The following MID1 variants were observed in gnomAD, a reference collection of about 807,000 sequenced individuals.
The protein encoded by MID1 is midline 1, also known as E3 ubiquitin-protein ligase Midline-1.
In MID1, 7 loss-of-function variants were observed where a neutral mutation model predicts 40.4. That is an observed-to-expected ratio of 0.17 (90% CI 0.10 to 0.33). The LOEUF is 0.33. MID1 is among the 10% of genes least tolerant of loss of function. MID1 has a pLI of 1.00. For synonymous variants in MID1, 229 were observed against 221.2 expected (o/e 1.04, Z -0.31); for missense variants, 367 against 558.5 (o/e 0.66, Z 3.46).
At chrX:10,699,434 A>G (rs1197055080) in intron 1 of MID1, among the ~76,000 whole-genome samples, 1 of 112,288 alleles carries the variant, frequency 8.9e-6, no homozygotes, top group Admixed American at 9.5e-5. Flanking sequence ...CTTATTTTCT[A>G]TAAGGAGTTG....
intron 1 of MID1, among the ~76,000 whole-genome samples, chrX:10,809,164 G>C (rs1396071314): frequency 8.9e-6 from 1 of 111,772 alleles, no homozygotes; most frequent in Non-Finnish European, 1.9e-5. Flanking sequence ...GCAGCCAAAA[G>C]ACACATGAAA....
intron 3 of MID1, among the ~76,000 whole-genome samples, chrX:10,513,899 G>A (rs997226228): frequency 8.0e-5 from 9 of 111,920 alleles, no homozygotes; most frequent in Non-Finnish European, 1.3e-4. Context: ...AGTCAATCAC[G>A]CAAGTAAATA....
At chrX:10,543,670 C>T (rs1043325763) in intron 2 of MID1, among the ~76,000 whole-genome samples, 1 of 109,592 alleles carries the variant, frequency 9.1e-6, no homozygotes, top group African/African-American at 3.3e-5. Context: ...TGGTGAAACG[C>T]GGTCTCTACT....
rs772716754 is a variant in MID1 at position 10,808,476 on chromosome X, G to T, written c.-187+25078C>A. On this transcript the variant is annotated intron_variant, in intron 1 of 10. Coordinates refer to the MID1 transcript ENST00000380785. ...CTTCATTATGGCACTCCTTTCTATGGCAACCCCTCTCTATGGAGCTTCTCT... is the reference window on the plus strand; with the variant it reads ...CTTCATTATGGCACTCCTTTCTATGTCAACCCCTCTCTATGGAGCTTCTCT... Among the ~76,000 whole-genome samples the T allele has an allele frequency of 1.6e-3, 177 of 109,901 alleles. 1 individual carries two copies. The highest frequency in any genetic ancestry group is 4.3e-3 in the Middle Eastern group (1 of 234).
chrX:10,680,905 C>T (rs1336358305), intron 1 of MID1, among the ~76,000 whole-genome samples: 5 of 108,345 alleles, frequency 4.6e-5, no homozygotes, highest in African/African-American at 6.7e-5. Context: ...GGTGTGGTGG[C>T]GCGGCCTGTA....
chrX:10,490,315 TTTC>T (rs778718501), intron 4 of MID1, among the ~76,000 whole-genome samples: 39 of 112,461 alleles, frequency 3.5e-4, no homozygotes, highest in African/African-American at 1.2e-3. Flanking sequence ...TTAAATGGAA[TTTC>T]TTTTTTTAAA....
At chrX:10,508,334 G>A (rs765136804) in intron 3 of MID1, among the ~76,000 whole-genome samples, 1 of 112,485 alleles carries the variant, frequency 8.9e-6, no homozygotes. Context: ...AATATGAAAT[G>A]CATACATTAA....
At chrX:10,648,881 G>A (rs1238373920) in intron 1 of MID1, among the ~76,000 whole-genome samples, 3 of 111,090 alleles carry the variant, frequency 2.7e-5, no homozygotes, top group Non-Finnish European at 3.8e-5. Context: ...TTACTATTAC[G>A]TTTGAATATG....
chrX:10,758,704 G>A (rs1358262539), intron 1 of MID1, among the ~76,000 whole-genome samples: 1 of 108,216 alleles, frequency 9.2e-6, no homozygotes, highest in African/African-American at 3.4e-5. Flanking sequence ...GTAGAGAGAT[G>A]GTCTCGATCT....
chrX:10,549,831 G>A, intron 2 of MID1, among the ~76,000 whole-genome samples: 1 of 112,524 alleles, frequency 8.9e-6, no homozygotes, highest in South Asian at 3.7e-4. Flanking sequence ...ATGCGTGATG[G>A]CCCTTCGAGC....
At position 10,814,750 on chromosome X, in the gene MID1, T is replaced by A. The variant is rs1047436888; in HGVS notation, c.-187+18804A>T. ...TGGCAACTACTAATCTGTTCTTTAT[T>A]TCTAAAATTTGGTCATTTCAAGAAT... On this transcript the variant is annotated intron_variant, in intron 1 of 10. Coordinates refer to the MID1 transcript ENST00000380785. 2.7e-5 allele frequency among the ~76,000 whole-genome samples: 3 copies of A among 111,836 alleles called. No homozygotes were observed. In the Admixed American group the frequency reaches 2.9e-4, roughly 11 times the overall value.
At chrX:10,792,317 A>C (rs1373995778) in intron 1 of MID1, among the ~76,000 whole-genome samples, 5 of 112,019 alleles carry the variant, frequency 4.5e-5, no homozygotes, top group African/African-American at 1.6e-4. Context: ...AAATGAACTA[A>C]GAACAAGGGA....
At chrX:10,728,287 T>C (rs5934928) in intron 1 of MID1, among the ~76,000 whole-genome samples, 42,488 of 110,423 alleles carry the variant, frequency 0.38, 7,543 homozygotes, top group Non-Finnish European at 0.55. Context: ...GGCCAGCTGC[T>C]GAGCTGTGAC....
intron 1 of MID1, among the ~76,000 whole-genome samples, chrX:10,626,231 TCA>T (rs747093266): frequency 2.7e-5 from 3 of 110,379 alleles, no homozygotes; most frequent in African/African-American, 9.9e-5. Context: ...CAACAGAACC[TCA>T]GTTTACTTGG....
intron 2 of MID1, among the ~76,000 whole-genome samples, chrX:10,530,892 A>T (rs1343728530): frequency 8.9e-6 from 1 of 112,419 alleles, no homozygotes; most frequent in East Asian, 2.8e-4. Context: ...GTCATTGAGC[A>T]CTACTATTAA....
In MID1 at chrX:10,751,158, G is replaced by A. The variant is rs963980402; in HGVS notation, c.-187+82396C>T. ...CGCACCCCAGTAATTCCAGCTACTCGGGAGGCTGAGGTGGGAGAATCAATT... is the reference window on the plus strand; with the variant it reads ...CGCACCCCAGTAATTCCAGCTACTCAGGAGGCTGAGGTGGGAGAATCAATT... On this transcript the variant is annotated intron_variant, in intron 1 of 10. Coordinates refer to the MID1 transcript ENST00000380785. Among the ~76,000 whole-genome samples, 5 of 109,533 alleles carry A rather than the reference G, an allele frequency of 4.6e-5. No homozygotes were observed. In the East Asian group the frequency reaches 1.1e-3, roughly 25 times the overall value.
chrX:10,536,553 C>T (rs1569091667), intron 2 of MID1, among the ~76,000 whole-genome samples: 2 of 112,524 alleles, frequency 1.8e-5, no homozygotes. Flanking sequence ...AAGCCATTTG[C>T]TTTTAATCCA....
At chrX:10,501,511 G>C in intron 3 of MID1, 1 of 1,152,173 alleles carries the variant, frequency 8.7e-7, no homozygotes, top group Non-Finnish European at 1.1e-6. Flanking sequence ...CTATTCCTAG[G>C]GTAATACTGC....
chrX:10,559,477 A>C (rs1270531574), intron 2 of MID1, among the ~76,000 whole-genome samples: 1 of 112,834 alleles, frequency 8.9e-6, no homozygotes, highest in Non-Finnish European at 1.9e-5. Flanking sequence ...ATTAAAATCA[A>C]CTGGGAATTA....
Sources: allele counts gnomAD v4.1 joint callset (sites outside exome capture counted in the v4.1 genomes callset), GRCh38; gene constraint gnomAD v4.1.1; transcripts MANE v1.5; gene names NCBI Gene and HGNC (gene_info 2026-07-23, HGNC 2026-07-21).